OR1J2: variants seen among roughly 807,000 people sequenced by gnomAD.
OR1J2 encodes the protein olfactory receptor 1J2.
For missense variants in OR1J2, 304 were observed against 246.1 expected (o/e 1.24, Z -1.57); for synonymous variants, 142 against 99.7 (o/e 1.42, Z -2.52).
chr9:122,556,076 G>A, the OR1J2 span, among the ~76,000 whole-genome samples: 2 of 152,058 alleles, frequency 1.3e-5, no homozygotes, highest in Non-Finnish European at 2.9e-5. Context: ...TCTTTTTACT[G>A]TCTCCATAGT....
At chr9:122,519,225 A>C in the OR1J2 span, 1 of 1,612,566 alleles carries the variant, frequency 6.2e-7, no homozygotes, top group Non-Finnish European at 8.5e-7. Context: ...TGTGTTCTTC[A>C]CCCTGTTCTT....
chr9:122,466,921 C>A, the OR1J2 span, among the ~76,000 whole-genome samples: 1 of 152,176 alleles, frequency 6.6e-6, no homozygotes, highest in Non-Finnish European at 1.5e-5. Flanking sequence ...TGGGTTCAAG[C>A]GATTCTCCTG....
the OR1J2 span, among the ~76,000 whole-genome samples, chr9:122,516,967 G>T: frequency 1.3e-5 from 2 of 152,188 alleles, no homozygotes. Flanking sequence ...GGGCAATCAG[G>T]AGGGAGAAAT....
At chr9:122,500,198 T>A in the OR1J2 span, among the ~76,000 whole-genome samples, 12 of 152,120 alleles carry the variant, frequency 7.9e-5, no homozygotes, top group African/African-American at 2.9e-4. Context: ...ATGTCTGCAG[T>A]TTTTTTGGTG....
At chr9:122,494,923 T>G in the OR1J2 span, among the ~76,000 whole-genome samples, 1 of 152,206 alleles carries the variant, frequency 6.6e-6, no homozygotes, top group Non-Finnish European at 1.5e-5. Context: ...GAAAAGATTG[T>G]ATCTTTCTTT....
the OR1J2 span, among the ~76,000 whole-genome samples, chr9:122,575,241 T>C: frequency 6.6e-6 from 1 of 152,122 alleles, no homozygotes; most frequent in Non-Finnish European, 1.5e-5. Context: ...TTCTATTGTC[T>C]GGAAGAGATT....
the OR1J2 span, among the ~76,000 whole-genome samples, chr9:122,551,894 C>T: frequency 6.6e-6 from 1 of 152,024 alleles, no homozygotes; most frequent in Admixed American, 6.6e-5. Flanking sequence ...CAATAGACCC[C>T]GACTTTATTG....
At chr9:122,552,782 G>A in the OR1J2 span, among the ~76,000 whole-genome samples, 1 of 125,324 alleles carries the variant, frequency 8.0e-6, no homozygotes. Flanking sequence ...GTGTGTGTGT[G>A]TGTGTGTGTG....
chr9:122,553,113 A>C, the OR1J2 span: 1 of 1,247,378 alleles, frequency 8.0e-7, no homozygotes, highest in Non-Finnish European at 1.1e-6. Context: ...CTCCCAGCAC[A>C]GTTCTGGCCA....
chr9:122,519,765 C>T, the OR1J2 span: 1 of 1,614,190 alleles, frequency 6.2e-7, no homozygotes, highest in Admixed American at 1.7e-5. Flanking sequence ...AGTCATTACT[C>T]TACCACTAAT....
chr9:122,527,518 A>G, the OR1J2 span, among the ~76,000 whole-genome samples: 2 of 152,026 alleles, frequency 1.3e-5, no homozygotes, highest in East Asian at 1.9e-4. Flanking sequence ...TCCCCTTCCA[A>G]TAAGGTCAGG....
At chr9:122,526,883 T>C in the OR1J2 span, 13 of 1,614,090 alleles carry the variant, frequency 8.1e-6, no homozygotes, top group Non-Finnish European at 1.1e-5. Context: ...GGGCACAGAC[T>C]TGGGGCCTCA....
At chr9:122,457,423 C>T in the OR1J2 span, among the ~76,000 whole-genome samples, 8 of 151,906 alleles carry the variant, frequency 5.3e-5, no homozygotes, top group East Asian at 5.8e-4. Flanking sequence ...CTACTACTAC[C>T]GACAATGAGC....
the OR1J2 span, chr9:122,520,041 C>G: frequency 8.1e-6 from 13 of 1,614,004 alleles, no homozygotes; most frequent in Non-Finnish European, 9.3e-6. Context: ...AAAGGGAGCC[C>G]TGGAGAGACT....
chr9:122,468,078 G>T, the OR1J2 span, among the ~76,000 whole-genome samples: 2 of 152,220 alleles, frequency 1.3e-5, no homozygotes, highest in African/African-American at 4.8e-5. Context: ...TTTCTCCAAG[G>T]CTCTTGTTTA....
chr9:122,468,807 C>T, the OR1J2 span, among the ~76,000 whole-genome samples: 32 of 152,304 alleles, frequency 2.1e-4, no homozygotes, highest in African/African-American at 6.5e-4. Context: ...TTTCTGCTAG[C>T]GGACTAACCT....
chr9:122,512,599 T>G (rs1189829220), downstream of OR1J2, among the ~76,000 whole-genome samples: 1 of 152,250 alleles, frequency 6.6e-6, no homozygotes, highest in Non-Finnish European at 1.5e-5. Flanking sequence ...TTCATGTTGA[T>G]ATTTTTGGAT....
At chr9:122,531,022 T>C in the OR1J2 span, among the ~76,000 whole-genome samples, 3 of 152,178 alleles carry the variant, frequency 2.0e-5, no homozygotes, top group African/African-American at 7.2e-5. Context: ...TCTTCTTATA[T>C]TAATAAGAAA....
the OR1J2 span, among the ~76,000 whole-genome samples, chr9:122,576,040 T>G: frequency 1.1e-4 from 17 of 152,332 alleles, no homozygotes; most frequent in South Asian, 3.5e-3. Flanking sequence ...TCCAGGTATA[T>G]CTGTGTTGTG....
Sources: gnomAD v4.1 joint callset for allele counts (sites outside exome capture counted in the v4.1 genomes callset) on GRCh38, gnomAD v4.1.1 for gene constraint, MANE v1.5 for transcripts, NCBI Gene and HGNC (gene_info 2026-07-23, HGNC 2026-07-21) for gene names.